Variants in BRWD1 observed in about 807,000 individuals in gnomAD.
BRWD1 encodes bromodomain and WD repeat-containing protein 1.
Under a neutral mutation model 251.2 loss-of-function variants are expected in BRWD1, and 82 were observed. That is an observed-to-expected ratio of 0.33 (90% CI 0.27 to 0.39). BRWD1 has a LOEUF of 0.39. Among genes scored for constraint, BRWD1 ranks in the 10% least tolerant of loss-of-function variants. The probability of loss-of-function intolerance (pLI) is 1.00; values close to 1 mark genes in which losing one functional copy is unlikely to be tolerated. For synonymous variants in BRWD1, 918 were observed against 902.8 expected (o/e 1.02, Z -0.30); for missense variants, 2,233 against 2,711.6 (o/e 0.82, Z 3.92).
At chr21:39,238,628 T>C in intron 21 of BRWD1, 55 bp from the exon 22 acceptor site, 1 of 1,240,182 alleles carries the variant, frequency 8.1e-7, no homozygotes, top group Non-Finnish European at 1.2e-6. Context: ...ACAACACATG[T>C]CCAGAAAAAA....
At chr21:39,319,523 C>T (rs749920660) in intron 1 of BRWD1, among the ~76,000 whole-genome samples, 5 of 152,140 alleles carry the variant, frequency 3.3e-5, no homozygotes, top group Non-Finnish European at 5.9e-5. Context: ...CCTCTTGGCT[C>T]GGATATTTTT....
Position 39,187,931 on chromosome 21 carries a change from G to C in BRWD1, c.*8328C>G, listed in dbSNP as rs1601210298. 3 of 982,444 alleles carry C rather than the reference G, an allele frequency of 3.1e-6. No homozygotes were observed. In the East Asian group the frequency reaches 3.4e-4, roughly 112 times the overall value. The allele number at this position is 982,444 out of a possible 1,614,324, so 60.9% of individuals were successfully genotyped here. A position where few individuals can be genotyped will look rare whatever the true frequency, so the allele number is the denominator to read the frequency against. ...TTCCTTTAAGGAAGCTTTTAGACGA[G>C]AGGTGAAAATTGTGAAGGGATTTGC... On this transcript the variant is annotated 3_prime_UTR_variant, in exon 41 of 41. Coordinates refer to ENST00000342449, the MANE Select transcript of BRWD1 (RefSeq NM_033656.4).
intron 33 of BRWD1, 26 bp downstream of exon 33, chr21:39,213,455 C>T: frequency 6.3e-7 from 1 of 1,584,364 alleles, no homozygotes; most frequent in Non-Finnish European, 8.6e-7. Context: ...TAACAAAAAC[C>T]ATTATAAAAT....
intron 30 of BRWD1, 59 bp from the exon 31 acceptor site, chr21:39,218,331 T>G: frequency 6.5e-7 from 1 of 1,534,814 alleles, no homozygotes; most frequent in Non-Finnish European, 8.8e-7. Flanking sequence ...AAGTGGTACT[T>G]CTCTAGAAAT....
chr21:39,279,073 CCA>C, intron 9 of BRWD1, among the ~76,000 whole-genome samples: 1 of 152,112 alleles, frequency 6.6e-6, no homozygotes, highest in South Asian at 2.1e-4. Context: ...TCAAATATTT[CCA>C]CAGATTTCCA....
rs1185991732 is a variant in BRWD1 at position 39,238,582 on chromosome 21, T to C, written c.2482-9A>G. 2.5e-6 allele frequency: 4 copies of C among 1,600,112 alleles called. No individual in the cohort carries two copies. Among genetic ancestry groups the C allele is most frequent in the Non-Finnish European group, 3.4e-6 (4 of 1,168,658 alleles). ...TGATCACAGGAAGTCTCCTAATTTG[T>C]GAAGGGGGGAAAAAAATCTTGATCC... On this transcript the variant is annotated splice_polypyrimidine_tract_variant and intron_variant, in intron 21 of 40. Transcript: ENST00000342449.
chr21:39,203,138 T>C (rs115722222), intron 37 of BRWD1, among the ~76,000 whole-genome samples: 2,326 of 152,326 alleles, frequency 0.015, 58 homozygotes, highest in African/African-American at 0.053. Flanking sequence ...GGTGAATGAA[T>C]ATTGAGATAA....
rs926696658 is a variant in BRWD1 at position 39,313,515 on chromosome 21, G to GGAGC, written c.-28_-25dup. Reference sequence around the variant, plus strand: ...ATGGCCGGGCGCGGGGCGGGAGGCGGGAGCGAGCGAGCGAGCGGAGCGTGT... The same window carrying GGAGC: ...ATGGCCGGGCGCGGGGCGGGAGGCGGGAGCGAGCGAGCGAGCGAGCGGAGCGTGT... On this transcript the variant is annotated 5_prime_UTR_variant, in exon 1 of 41. Transcript: ENST00000342449. The GGAGC allele has an allele frequency of 1.9e-4, 253 of 1,329,838 alleles. No individual in the cohort carries two copies. The East Asian group carries it at 4.1e-3, about 21-fold the overall frequency. The allele number at this position is 1,329,838 out of a possible 1,614,324, so 82.4% of individuals were successfully genotyped here. A position where few individuals can be genotyped will look rare whatever the true frequency, so the allele number is the denominator to read the frequency against.
chr21:39,184,592 GAT>G (rs2031104334), downstream of BRWD1: 1 of 152,168 alleles, frequency 6.6e-6, no homozygotes, highest in Non-Finnish European at 1.5e-5. Flanking sequence ...AGCCTGTTGA[GAT>G]AAAATCTCAA....
chr21:39,242,511 C>A (rs552679849), intron 21 of BRWD1, among the ~76,000 whole-genome samples: 1 of 152,264 alleles, frequency 6.6e-6, no homozygotes, highest in South Asian at 2.1e-4. Context: ...TAATGGAGAA[C>A]CTGCAGCAAG....
intron 21 of BRWD1, among the ~76,000 whole-genome samples, chr21:39,246,359 T>A (rs2034188472): frequency 6.6e-6 from 1 of 152,122 alleles, no homozygotes; most frequent in Non-Finnish European, 1.5e-5. Flanking sequence ...AATGGAATAA[T>A]AACAATCATT....
intron 37 of BRWD1, 148 bp downstream of exon 37, chr21:39,205,960 G>A (rs879013384): frequency 6.8e-5 from 49 of 715,730 alleles, no homozygotes; most frequent in Middle Eastern, 4.0e-4. Context: ...TGCGCCTGTA[G>A]TCCCAGCTAC....
At chr21:39,275,886 GC>G (rs2035264698) in intron 12 of BRWD1, among the ~76,000 whole-genome samples, 1 of 152,100 alleles carries the variant, frequency 6.6e-6, no homozygotes, top group African/African-American at 2.4e-5. Context: ...TACAAAGTTA[GC>G]CGGGCACAGT....
At chr21:39,314,813 C>G (rs2036664453), upstream of BRWD1, 1 of 160,602 alleles carries the variant, frequency 6.2e-6, no homozygotes, top group African/African-American at 2.4e-5. Context: ...CTTGGCTCCA[C>G]CAGCTTGACC....
chr21:39,304,792 T>TTA, intron 4 of BRWD1, among the ~76,000 whole-genome samples: 1 of 152,200 alleles, frequency 6.6e-6, no homozygotes, highest in East Asian at 1.9e-4. Flanking sequence ...GCTATATTAA[T>TTA]GTAAGGCAAA....
At chr21:39,316,000 AGTAT>A (rs1383430384), upstream of BRWD1, among the ~76,000 whole-genome samples, 1 of 152,224 alleles carries the variant, frequency 6.6e-6, no homozygotes, top group African/African-American at 2.4e-5. Flanking sequence ...CCAGAAGTTT[AGTAT>A]GACTACTTGG....
At chr21:39,274,237 A>G in intron 13 of BRWD1, 137 bp downstream of exon 13, 1 of 668,760 alleles carries the variant, frequency 1.5e-6, no homozygotes, top group Admixed American at 2.5e-5. Flanking sequence ...CACTTATACC[A>G]CAGCTCTTCG....
chr21:39,191,459 CCATTT>C lies in BRWD1; in HGVS notation c.*4795_*4799del. 1.0e-6 allele frequency: 1 copy of C among 981,848 alleles called. No individual in the cohort carries two copies. The highest frequency in any genetic ancestry group is 1.2e-6 in the Non-Finnish European group (1 of 826,948). The allele number at this position is 981,848 out of a possible 1,614,324, so 60.8% of individuals were successfully genotyped here. A position where few individuals can be genotyped will look rare whatever the true frequency, so the allele number is the denominator to read the frequency against. ...ATGAAAATGCTAAATTTATTATATC[CCATTT>C]AAGAACTGACAAAAATCATCTAAAT... On this transcript the variant is annotated 3_prime_UTR_variant, in exon 41 of 41. Transcript: ENST00000342449.
intron 8 of BRWD1, among the ~76,000 whole-genome samples, chr21:39,281,918 A>ATATATATGTATG (rs2035473909): frequency 6.6e-6 from 1 of 150,956 alleles, no homozygotes; most frequent in African/African-American, 2.4e-5. Context: ...ATGTATATAT[A>ATATATATGTATG]TACGTATACA....
Sources: allele counts gnomAD v4.1 joint callset (sites outside exome capture counted in the v4.1 genomes callset), GRCh38; gene constraint gnomAD v4.1.1; transcripts MANE v1.5; gene names NCBI Gene and HGNC (gene_info 2026-07-23, HGNC 2026-07-21).